MUSK: variants seen among roughly 807,000 people sequenced by gnomAD.
MUSK encodes muscle associated receptor tyrosine kinase, also known as muscle, skeletal receptor tyrosine-protein kinase.
MUSK carries 55 observed loss-of-function variants against 88.7 expected under a neutral mutation model. The observed-to-expected ratio is 0.62, with a 90% confidence interval of 0.50 to 0.78. The LOEUF (loss-of-function observed/expected upper bound fraction) is 0.78. Among genes scored for constraint, MUSK ranks in the 30% least tolerant of loss-of-function variants. The pLI, the probability that MUSK is intolerant of heterozygous loss-of-function variation, is 0.00. For missense variants in MUSK, 1,015 were observed against 1,074.3 expected (o/e 0.94, Z 0.77); for synonymous variants, 387 against 391.9 (o/e 0.99, Z 0.15).
chr9:110,702,994 T>G (rs934787830), intron 5 of MUSK, among the ~76,000 whole-genome samples: 1 of 151,776 alleles, frequency 6.6e-6, no homozygotes, highest in Non-Finnish European at 1.5e-5. Flanking sequence ...GGCCAAAAAT[T>G]TAACAAGAAA....
At chr9:110,713,039 G>A (rs1481990691) in intron 5 of MUSK, among the ~76,000 whole-genome samples, 3 of 151,998 alleles carry the variant, frequency 2.0e-5, no homozygotes, top group Non-Finnish European at 4.4e-5. Context: ...CTCTTGGTGA[G>A]GATCATATCA....
At chr9:110,699,664 A>T (rs2076476660) in intron 5 of MUSK, among the ~76,000 whole-genome samples, 1 of 152,026 alleles carries the variant, frequency 6.6e-6, no homozygotes, top group African/African-American at 2.4e-5. Context: ...GACTGGAAAA[A>T]CCTCAAAAGT....
chr9:110,715,415 A>T (rs2131785286), intron 5 of MUSK, among the ~76,000 whole-genome samples: 1 of 149,316 alleles, frequency 6.7e-6, no homozygotes, highest in Middle Eastern at 3.4e-3. Context: ...TGAAGTGAGG[A>T]TCCAATTCTA....
intron 1 of MUSK, among the ~76,000 whole-genome samples, chr9:110,677,785 C>T (rs1462559854): frequency 6.6e-6 from 1 of 152,102 alleles, no homozygotes; most frequent in Non-Finnish European, 1.5e-5. Flanking sequence ...TAAAGAAATA[C>T]TATTATATTC....
chr9:110,719,243 T>TA (rs1587950160), intron 5 of MUSK, among the ~76,000 whole-genome samples: 4 of 151,998 alleles, frequency 2.6e-5, no homozygotes, highest in Admixed American at 2.6e-4. Flanking sequence ...ATCTCAATAC[T>TA]AACGTGGAAT....
At chr9:110,690,596 A>T (rs368323198) in intron 3 of MUSK, among the ~76,000 whole-genome samples, 1 of 52,052 alleles carries the variant, frequency 1.9e-5, no homozygotes, top group African/African-American at 9.9e-5. Context: ...ATATAAGTAT[A>T]TATATAAATA....
intron 1 of MUSK, 84 bp downstream of exon 1, chr9:110,669,067 T>C (rs1587867972): frequency 1.6e-6 from 2 of 1,219,374 alleles, no homozygotes; most frequent in Non-Finnish European, 2.4e-6. Context: ...GACTGATTTA[T>C]AGTATGGTGG....
intron 3 of MUSK, among the ~76,000 whole-genome samples, chr9:110,692,437 G>A (rs762735224): frequency 4.6e-5 from 7 of 151,976 alleles, no homozygotes; most frequent in South Asian, 4.1e-4. Context: ...GCCTTCCAAA[G>A]TATCGAGATT....
intron 7 of MUSK, among the ~76,000 whole-genome samples, chr9:110,752,422 C>T (rs1314051122): frequency 6.6e-6 from 1 of 152,246 alleles, no homozygotes; most frequent in Non-Finnish European, 1.5e-5. Context: ...ATGGTATCTG[C>T]TTTCTCCATT....
At chr9:110,768,382 G>T (rs1335200165) in intron 9 of MUSK, among the ~76,000 whole-genome samples, 1 of 152,128 alleles carries the variant, frequency 6.6e-6, no homozygotes, top group Non-Finnish European at 1.5e-5. Context: ...TGTAATCCCA[G>T]CTACTCGGGA....
At chr9:110,788,397 C>T (rs151315877) in intron 14 of MUSK, among the ~76,000 whole-genome samples, 20 of 151,678 alleles carry the variant, frequency 1.3e-4, no homozygotes, top group Non-Finnish European at 2.5e-4. Flanking sequence ...TTTAGGAGGC[C>T]GAGGCAGGCA....
At chr9:110,765,731 G>A (rs764010189) in intron 8 of MUSK, among the ~76,000 whole-genome samples, 11 of 151,730 alleles carry the variant, frequency 7.2e-5, no homozygotes, top group South Asian at 4.2e-4. Context: ...CCGCCACCAC[G>A]CCCGGCTAAT....
chr9:110,750,392 T>C (rs2077233086), intron 7 of MUSK, among the ~76,000 whole-genome samples: 1 of 152,132 alleles, frequency 6.6e-6, no homozygotes, highest in South Asian at 2.1e-4. Context: ...AGTCTGCAGC[T>C]GAACTTGTGA....
intron 5 of MUSK, among the ~76,000 whole-genome samples, chr9:110,713,583 G>A (rs551306277): frequency 1.3e-4 from 20 of 152,066 alleles, no homozygotes; most frequent in South Asian, 6.2e-4. Flanking sequence ...AATTTTAAAC[G>A]GGTAGATACC....
chr9:110,791,042 C>T (rs1283063827), intron 14 of MUSK, among the ~76,000 whole-genome samples: 1 of 151,956 alleles, frequency 6.6e-6, no homozygotes, highest in African/African-American at 2.4e-5. Flanking sequence ...GAAGACAAAA[C>T]GTGAAGAAAG....
At chr9:110,781,432 A>G (rs1014366964) in intron 11 of MUSK, among the ~76,000 whole-genome samples, 3 of 152,028 alleles carry the variant, frequency 2.0e-5, no homozygotes, top group Admixed American at 6.5e-5. Context: ...GCCCACCACC[A>G]TGCCCAGCTA....
chr9:110,689,843 T>A (rs1470231284), intron 3 of MUSK, among the ~76,000 whole-genome samples: 5 of 98,330 alleles, frequency 5.1e-5, no homozygotes, highest in African/African-American at 2.2e-4. Flanking sequence ...TGTAACTATA[T>A]ATTTATATAT....
intron 6 of MUSK, among the ~76,000 whole-genome samples, chr9:110,735,581 G>C (rs2077021032): frequency 6.6e-6 from 1 of 151,988 alleles, no homozygotes; most frequent in Admixed American, 6.6e-5. Context: ...GGATAAAGAG[G>C]GGTTCGTTCA....
intron 14 of MUSK, among the ~76,000 whole-genome samples, chr9:110,797,032 G>C (rs1220887072): frequency 1.5e-5 from 1 of 67,216 alleles, no homozygotes; most frequent in African/African-American, 6.6e-5. Context: ...CACGTTAGTG[G>C]GTGCAGCGCA....
Sources: gnomAD v4.1 joint callset for allele counts (sites outside exome capture counted in the v4.1 genomes callset) on GRCh38, gnomAD v4.1.1 for gene constraint, MANE v1.5 for transcripts, NCBI Gene and HGNC (gene_info 2026-07-23, HGNC 2026-07-21) for gene names.